The following RAB3GAP2 variants were observed in gnomAD, a reference collection of about 807,000 sequenced individuals.
RAB3GAP2 encodes the protein rab3 GTPase-activating protein non-catalytic subunit.
In RAB3GAP2, 87 loss-of-function variants were observed where a neutral mutation model predicts 185.3. That is an observed-to-expected ratio of 0.47 (90% confidence interval 0.39 to 0.56). The LOEUF is 0.56. Ranked by LOEUF, RAB3GAP2 falls within the 20% of genes least tolerant of loss-of-function variation. The pLI is 0.00. For synonymous variants in RAB3GAP2, 554 were observed against 576.1 expected (o/e 0.96, Z 0.55); for missense variants, 1,492 against 1,638.2 (o/e 0.91, Z 1.54).
intron 1 of RAB3GAP2, among the ~76,000 whole-genome samples, chr1:220,253,298 G>A (rs1475924640): frequency 1.3e-5 from 2 of 152,190 alleles, no homozygotes; most frequent in Admixed American, 1.3e-4. Flanking sequence ...TCCAGAGGAA[G>A]GGGCTGGCTG....
At chr1:220,265,054 A>T (rs963310292) in intron 1 of RAB3GAP2, among the ~76,000 whole-genome samples, 1 of 152,110 alleles carries the variant, frequency 6.6e-6, no homozygotes, top group Non-Finnish European at 1.5e-5. Context: ...TATCTGTATG[A>T]TCCTCTTCCA....
In RAB3GAP2 at chr1:220,158,916, T is replaced by C. The variant is rs777590045; in HGVS notation, c.3261+470A>G. On this transcript the variant is annotated intron_variant, in intron 29 of 34. Coordinates refer to ENST00000358951, the MANE Select transcript of RAB3GAP2 (RefSeq NM_012414.4). This position sits in a 1 kb window ranked among gnomAD's most constrained non-coding sequence, Gnocchi z 4.3. ...AGTCTTCAACAATGGAAGCTAGTAC[T>C]ATTAATTTCTTGGGTCAAATACAAG... is the stretch of plus-strand genomic sequence containing the variant. Among the ~76,000 whole-genome samples the C allele has an allele frequency of 2.0e-5, 3 of 152,206 alleles. No homozygotes were observed. The highest frequency in any genetic ancestry group is 4.4e-5 in the Non-Finnish European group (3 of 68,040).
intron 2 of RAB3GAP2, among the ~76,000 whole-genome samples, chr1:220,225,820 A>T (rs933750351): frequency 3.9e-5 from 6 of 152,150 alleles, no homozygotes; most frequent in African/African-American, 1.4e-4. Flanking sequence ...TCTGATGCTC[A>T]TGTCTCCTGT....
intron 1 of RAB3GAP2, among the ~76,000 whole-genome samples, chr1:220,251,603 C>T (rs1380061801): frequency 6.6e-6 from 1 of 152,038 alleles, no homozygotes; most frequent in Non-Finnish European, 1.5e-5. Flanking sequence ...ATCAGAAGAA[C>T]AAAAGTCAAA....
chr1:220,190,103 T>A lies in RAB3GAP2; in HGVS notation c.1675A>T (p.Lys559Ter). The change falls in exon 16 of 35, where the codon AAA becomes TAA. Residue 559 changes from lysine (K) to a stop codon, truncating the protein, a stop_gained. Coordinates refer to ENST00000358951, the MANE Select transcript of RAB3GAP2 (RefSeq NM_012414.4). LOFTEE classifies it high-confidence loss of function. The part of the protein sequence containing the change: ...ERAKDMHLVK[K>*]LAALLKTKSP... ...TTTGTTTTCAGTAAGGCTGCTAGTT[T>A]CTTCACTAGGTGCATATCCTTGGCT... 1 of 1,613,648 alleles carries A rather than the reference T, an allele frequency of 6.2e-7. No individual in the cohort carries two copies. Among genetic ancestry groups the A allele is most frequent in the East Asian group, 2.2e-5 (1 of 44,828 alleles).
At chr1:220,166,918 A>G (rs1391462062) in intron 26 of RAB3GAP2, among the ~76,000 whole-genome samples, 1 of 152,222 alleles carries the variant, frequency 6.6e-6, no homozygotes, top group South Asian at 2.1e-4. Flanking sequence ...GCAGGAATTC[A>G]GAAGGAAATA....
Position 220,182,282 on chromosome 1 carries a change from G to T in RAB3GAP2, c.2285C>A (p.Ala762Asp). The T allele has an allele frequency of 6.2e-7, 1 of 1,613,976 alleles. No homozygotes were observed. The change falls in exon 21 of 35, where the codon GCT (alanine) becomes GAT (aspartate). Residue 762 changes from alanine to aspartate, a missense_variant. Coordinates refer to ENST00000358951, the MANE Select transcript of RAB3GAP2 (RefSeq NM_012414.4). ...TEDMCHTLES[A>D]GLSPQLLLSL... ...CAACAACAGCTGAGGGCTAAGACCA[G>T]CCGACTCCAAAGTGTGACACATATC...
intron 12 of RAB3GAP2, 96 bp downstream of exon 12, chr1:220,194,982 G>A: frequency 8.0e-7 from 1 of 1,245,328 alleles, no homozygotes; most frequent in Non-Finnish European, 1.2e-6. Flanking sequence ...AAGTTCCAAA[G>A]ACAAGATCAG....
chr1:220,214,260 G>A (rs1396820529), intron 2 of RAB3GAP2, among the ~76,000 whole-genome samples: 1 of 152,112 alleles, frequency 6.6e-6, no homozygotes, highest in Non-Finnish European at 1.5e-5. Context: ...TAGTGGCCAG[G>A]CATGGTGGCT....
intron 2 of RAB3GAP2, among the ~76,000 whole-genome samples, chr1:220,221,214 T>A (rs1393430770): frequency 6.6e-6 from 1 of 152,238 alleles, no homozygotes; most frequent in African/African-American, 2.4e-5. Context: ...ATGGCTATAT[T>A]CTCCAGGGAA....
At chr1:220,183,080 G>A (rs1407653221) in intron 19 of RAB3GAP2, 149 bp from the exon 20 acceptor site, 9 of 656,896 alleles carry the variant, frequency 1.4e-5, no homozygotes, top group East Asian at 2.7e-5. Flanking sequence ...TACAAATCAC[G>A]TTTCATGAGT....
intron 2 of RAB3GAP2, among the ~76,000 whole-genome samples, chr1:220,226,033 C>A (rs2102888446): frequency 6.6e-6 from 1 of 152,326 alleles, no homozygotes; most frequent in African/African-American, 2.4e-5. Flanking sequence ...CCTCTCTAAA[C>A]TGTTATAACA....
intron 21 of RAB3GAP2, 40 bp from the exon 22 acceptor site, chr1:220,172,782 T>A: frequency 2.2e-6 from 3 of 1,366,072 alleles, no homozygotes; most frequent in Non-Finnish European, 3.1e-6. Flanking sequence ...TAAAAAAAAA[T>A]TTAGCATAGA....
At chr1:220,266,687 C>A in intron 1 of RAB3GAP2, 2 of 1,553,654 alleles carry the variant, frequency 1.3e-6, no homozygotes, top group Non-Finnish European at 1.8e-6. Flanking sequence ...TCAAGGATTT[C>A]TCCCCCTGCA....
chr1:220,254,415 G>C (rs1659996744), intron 1 of RAB3GAP2: 1 of 1,612,986 alleles, frequency 6.2e-7, no homozygotes, highest in Admixed American at 1.7e-5. Context: ...TGGATGAGAA[G>C]AGCCTTGCTT....
chr1:220,214,600 T>G (rs554373845), intron 2 of RAB3GAP2, among the ~76,000 whole-genome samples: 4 of 152,060 alleles, frequency 2.6e-5, no homozygotes, highest in Admixed American at 1.3e-4. Context: ...ATAATCCTAT[T>G]TACAAAGAGA....
At chr1:220,231,757 C>T (rs972612103) in intron 2 of RAB3GAP2, among the ~76,000 whole-genome samples, 1 of 152,224 alleles carries the variant, frequency 6.6e-6, no homozygotes, top group East Asian at 1.9e-4. Context: ...AGCTCCCTAA[C>T]TCCTGAAAGA....
chr1:220,174,727 A>G (rs1558144778), intron 21 of RAB3GAP2, among the ~76,000 whole-genome samples: 1 of 152,224 alleles, frequency 6.6e-6, no homozygotes, highest in Non-Finnish European at 1.5e-5. Flanking sequence ...ATGGCTACAT[A>G]AAGGTTACTA....
chr1:220,251,603 C>A (rs1380061801), intron 1 of RAB3GAP2, among the ~76,000 whole-genome samples: 1 of 152,038 alleles, frequency 6.6e-6, no homozygotes, highest in Non-Finnish European at 1.5e-5. Context: ...ATCAGAAGAA[C>A]AAAAGTCAAA....
Sources: gnomAD v4.1 joint callset for allele counts (sites outside exome capture counted in the v4.1 genomes callset) on GRCh38, gnomAD v4.1.1 for gene constraint, Gnocchi (gnomAD v3.1) non-coding constraint, MANE v1.5 for transcripts, NCBI Gene and HGNC (gene_info 2026-07-23, HGNC 2026-07-21) for gene names.